The following PTGES3L variants were observed in gnomAD, a reference collection of about 807,000 sequenced individuals.
PTGES3L encodes the protein putative protein PTGES3L.
A neutral mutation model predicts 25.0 loss-of-function variants in PTGES3L; 17 were observed. The ratio of observed to expected loss-of-function variants is 0.68; its 90% CI spans 0.47 to 1.02. PTGES3L has a LOEUF of 1.02. PTGES3L is among the 50% of genes least tolerant of loss of function. PTGES3L has a pLI of 0.00. For synonymous variants in PTGES3L, 59 were observed against 65.7 expected, an observed-to-expected ratio of 0.90 and a Z score of 0.50; for missense variants, 202 against 197.5, an observed-to-expected ratio of 1.02 and a Z score of -0.14.
rs778492130 is a variant in PTGES3L, at chr17:42,970,391, A to C, written c.379-49T>G. The C allele has an allele frequency of 3.7e-6, 6 of 1,604,570 alleles. No homozygotes were observed. In the South Asian group the frequency reaches 6.6e-5, roughly 18 times the overall value. ...CAAGGGAGAAGGGAGTGAAGGAAGA[A>C]CAATCTGCACATTGATGGTCCATAG... On this transcript the variant is annotated intron_variant, in intron 5 of 6. Coordinates refer to ENST00000591916, the MANE Select transcript of PTGES3L (RefSeq NM_001261430.2).
intron 4 of PTGES3L, among the ~76,000 whole-genome samples, chr17:42,975,623 C>G (rs558466834): frequency 1.3e-5 from 2 of 152,238 alleles, no homozygotes; most frequent in South Asian, 4.1e-4. Context: ...CTGAAAACTT[C>G]AACTCTAGGC....
chr17:42,977,687 G>A (rs1567725052), intron 4 of PTGES3L, among the ~76,000 whole-genome samples: 1 of 124,772 alleles, frequency 8.0e-6, no homozygotes, highest in African/African-American at 3.6e-5. Context: ...GAGAGAGAAA[G>A]AAAGAAAAGA....
chr17:42,970,672 A>ACACG (rs1555565342), intron 5 of PTGES3L, among the ~76,000 whole-genome samples: 1 of 115,398 alleles, frequency 8.7e-6, no homozygotes, highest in Non-Finnish European at 1.8e-5. Context: ...CTGGCTTAAC[A>ACACG]CGCGCACACA....
chr17:42,975,594 A>G (rs1450157123), intron 4 of PTGES3L, among the ~76,000 whole-genome samples: 1 of 152,166 alleles, frequency 6.6e-6, no homozygotes, highest in East Asian at 1.9e-4. Flanking sequence ...GGAGCAAGTG[A>G]GGTGAAGTAC....
chr17:42,977,153 C>T (rs556198525), intron 4 of PTGES3L, among the ~76,000 whole-genome samples: 2 of 151,932 alleles, frequency 1.3e-5, no homozygotes, highest in Admixed American at 1.3e-4. Flanking sequence ...TTACCAGGTG[C>T]GGTGGCTTAC....
intron 4 of PTGES3L, 170 bp from the exon 5 acceptor site, chr17:42,971,866 T>A: frequency 1.7e-6 from 1 of 598,630 alleles, no homozygotes; most frequent in South Asian, 2.0e-5. Context: ...CACACAAAGC[T>A]AGGCATGATA....
At chr17:42,978,411 C>G (rs2050002421) in intron 4 of PTGES3L, among the ~76,000 whole-genome samples, 1 of 151,880 alleles carries the variant, frequency 6.6e-6, no homozygotes. Flanking sequence ...CCATCTCACA[C>G]AAACACACAC....
intron 4 of PTGES3L, among the ~76,000 whole-genome samples, chr17:42,976,223 A>G (rs986006213): frequency 6.6e-6 from 1 of 151,754 alleles, no homozygotes; most frequent in African/African-American, 2.4e-5. Flanking sequence ...ACCTAAATCA[A>G]TCCATCCACC....
intron 4 of PTGES3L, 67 bp from the exon 5 acceptor site, chr17:42,971,763 G>A (rs1458832457): frequency 5.8e-6 from 9 of 1,562,524 alleles, no homozygotes; most frequent in Admixed American, 5.0e-5. Flanking sequence ...GGAGAGTGTG[G>A]GCATATGCAT....
chr17:42,971,598 G>A lies in PTGES3L; in HGVS notation c.378+9C>T, dbSNP rs373958114. On this transcript the variant is annotated intron_variant, in intron 5 of 6. Coordinates refer to ENST00000591916, the MANE Select transcript of PTGES3L (RefSeq NM_001261430.2). ...AAGTGGGCAGAACACAGTAGGTGTT[G>A]TCTCTCACCTCTGCATAATGTTCCA... 6.2e-7 allele frequency: 1 copy of A among 1,613,460 alleles called. No homozygotes were observed. The highest frequency in any genetic ancestry group is 1.3e-5 in the African/African-American group (1 of 75,018).
intron 4 of PTGES3L, among the ~76,000 whole-genome samples, chr17:42,973,012 C>T (rs1198546592): frequency 1.7e-4 from 25 of 144,926 alleles, no homozygotes; most frequent in Admixed American, 6.8e-4. Context: ...TGCCCGGCCG[C>T]GACCCCGTCT....
chr17:42,976,442 G>A (rs555999367), intron 4 of PTGES3L, among the ~76,000 whole-genome samples: 3 of 152,024 alleles, frequency 2.0e-5, no homozygotes, highest in South Asian at 2.1e-4. Flanking sequence ...GCAGTGGCAC[G>A]ATCTCAGCTC....
At chr17:42,974,455 G>A (rs1444418387) in intron 4 of PTGES3L, among the ~76,000 whole-genome samples, 1 of 151,466 alleles carries the variant, frequency 6.6e-6, no homozygotes, top group Non-Finnish European at 1.5e-5. Flanking sequence ...ATACAGGGAA[G>A]AAGTTATTCA....
intron 5 of PTGES3L, 32 bp downstream of exon 5, chr17:42,971,575 G>T (rs2049837163): frequency 6.2e-7 from 1 of 1,611,372 alleles, no homozygotes; most frequent in Non-Finnish European, 8.5e-7. Context: ...GAATGATCAA[G>T]TGGGCAGAAC....
rs1012299967 is a variant in PTGES3L at position 42,969,083 on chromosome 17, C to T, written c.*65G>A. On this transcript the variant is annotated 3_prime_UTR_variant, in exon 7 of 7. Transcript: ENST00000591916. ...GCCAAAGCGCTGACAAAGGCCTAGG[C>T]GCTAGCTTTCTAGAACAACTGGAAA... The T allele has an allele frequency of 1.3e-5, 17 of 1,259,934 alleles. 1 individual carries two copies. In the East Asian group the frequency reaches 3.3e-4, roughly 24 times the overall value. The allele number at this position is 1,259,934 out of a possible 1,614,324, so 78.0% of individuals were successfully genotyped here. A position where few individuals can be genotyped will look rare whatever the true frequency, so the allele number is the denominator to read the frequency against.
intron 4 of PTGES3L, among the ~76,000 whole-genome samples, chr17:42,973,568 A>G (rs1192837639): frequency 6.6e-6 from 1 of 151,962 alleles, no homozygotes; most frequent in Admixed American, 6.6e-5. Context: ...AAAGGTGGGG[A>G]AAAGATTGAG....
chr17:42,979,660 C>G lies in PTGES3L; in HGVS notation c.12G>C (p.Gln4His). The change falls in exon 2 of 7, where the codon CAG becomes CAC. Residue 4 changes from glutamine to histidine, a missense_variant. By Grantham distance (24) the Gln-to-His change is conservative. Coordinates refer to ENST00000591916, the MANE Select transcript of PTGES3L (RefSeq NM_001261430.2). The stretch of plus-strand genomic sequence containing the variant: ...TGTCGTACCACAAGGTCCGGGCGTG[C>G]TGCCTGAAGAGAAGTTGAGGTGTGG... The part of the protein sequence containing the change: MAR[Q>H]HARTLWYDRP... The G allele has an allele frequency of 1.9e-6, 3 of 1,613,672 alleles. No individual in the cohort carries two copies. Among genetic ancestry groups the G allele is most frequent in the African/African-American group, 1.3e-5 (1 of 75,028 alleles).
At position 42,971,816 on chromosome 17, in the gene PTGES3L, C is replaced by T. The variant is rs1305851587; in HGVS notation, c.289-120G>A. 6.0e-6 allele frequency: 5 copies of T among 835,984 alleles called. No homozygotes were observed. The Admixed American group carries it at 6.6e-5, about 11-fold the overall frequency. The allele number at this position is 835,984 out of a possible 1,614,324, so 51.8% of individuals were successfully genotyped here. A position where few individuals can be genotyped will look rare whatever the true frequency, so the allele number is the denominator to read the frequency against. On this transcript the variant is annotated intron_variant, in intron 4 of 6. Coordinates refer to ENST00000591916, the MANE Select transcript of PTGES3L (RefSeq NM_001261430.2). Reference sequence around the variant, plus strand: ...AAAGAGGGTCAGTAGGTCCCTAGTCCTCCCAACTGCACTCCTTTGACCAGG... The same window carrying T: ...AAAGAGGGTCAGTAGGTCCCTAGTCTTCCCAACTGCACTCCTTTGACCAGG...
chr17:42,970,471 A>C, intron 5 of PTGES3L, 129 bp from the exon 6 acceptor site: 1 of 939,676 alleles, frequency 1.1e-6, no homozygotes, highest in Non-Finnish European at 1.6e-6. Context: ...TTAAAACATC[A>C]CTGGAATTAA....
Sources: gnomAD v4.1 joint callset for allele counts (sites outside exome capture counted in the v4.1 genomes callset) on GRCh38, gnomAD v4.1.1 for gene constraint, MANE v1.5 for transcripts, NCBI Gene and HGNC (gene_info 2026-07-23, HGNC 2026-07-21) for gene names.